The following FBXO16 variants were observed in gnomAD, a reference collection of about 807,000 sequenced individuals.
FBXO16 encodes the protein F-box protein 16.
FBXO16 carries 31 observed loss-of-function variants against 41.0 expected under a neutral mutation model. The observed-to-expected ratio is 0.76, with a 90% confidence interval of 0.57 to 1.02. The LOEUF is 1.02. Among genes scored for constraint, FBXO16 ranks in the 50% least tolerant of loss-of-function variants. The pLI is 0.00. For missense variants in FBXO16, 361 were observed against 346.2 expected (o/e 1.04, Z -0.34); for synonymous variants, 133 against 117.8 (o/e 1.13, Z -0.84).
chr8:28,449,930 C>T (rs906344513), intron 6 of FBXO16, among the ~76,000 whole-genome samples: 1 of 149,380 alleles, frequency 6.7e-6, no homozygotes, highest in Non-Finnish European at 1.5e-5. Context: ...CGAGATCATG[C>T]CACTGCACTC....
chr8:28,436,850 C>T (rs1342146305), intron 7 of FBXO16, among the ~76,000 whole-genome samples: 1 of 152,224 alleles, frequency 6.6e-6, no homozygotes. Context: ...CTCTCAGGCT[C>T]AAGCAATCCT....
chr8:28,473,746 C>T (rs373423925), intron 3 of FBXO16, 26 bp downstream of exon 3: 2 of 1,580,828 alleles, frequency 1.3e-6, no homozygotes, highest in Admixed American at 3.4e-5. Context: ...TAACATAATG[C>T]AAAAATAGTA....
At chr8:28,454,292 T>C (rs1803001157) in intron 5 of FBXO16, among the ~76,000 whole-genome samples, 1 of 151,972 alleles carries the variant, frequency 6.6e-6, no homozygotes, top group Admixed American at 6.5e-5. Context: ...ATTCATTTCA[T>C]TTCCCTGAGC....
At chr8:28,431,178 C>T (rs929983298) in intron 7 of FBXO16, among the ~76,000 whole-genome samples, 2 of 152,154 alleles carry the variant, frequency 1.3e-5, no homozygotes, top group South Asian at 4.1e-4. Flanking sequence ...GCAGGCTCCT[C>T]ACAGCCCTCC....
At chr8:28,428,792 A>G in intron 8 of FBXO16, 56 bp from the exon 9 acceptor site, 6 of 1,445,778 alleles carry the variant, frequency 4.2e-6, no homozygotes, top group Non-Finnish European at 5.5e-6. Flanking sequence ...CAAGGGAGCT[A>G]TCTAGTTAAA....
At chr8:28,463,990 T>A (rs1231392765) in intron 3 of FBXO16, among the ~76,000 whole-genome samples, 172 bp from the exon 4 acceptor site, 1 of 152,236 alleles carries the variant, frequency 6.6e-6, no homozygotes, top group Non-Finnish European at 1.5e-5. Flanking sequence ...TCTCTCACAT[T>A]TATATGGGAG....
chr8:28,474,537 T>C (rs764977723), intron 2 of FBXO16, among the ~76,000 whole-genome samples: 1 of 152,048 alleles, frequency 6.6e-6, no homozygotes, highest in Non-Finnish European at 1.5e-5. Flanking sequence ...TCAATATTAA[T>C]AGTATGAGAA....
chr8:28,434,714 C>T (rs1376061216), intron 7 of FBXO16, among the ~76,000 whole-genome samples: 3 of 152,252 alleles, frequency 2.0e-5, no homozygotes, highest in South Asian at 4.1e-4. Flanking sequence ...CTTTGCCAGA[C>T]TTGCAGCAGG....
intron 1 of FBXO16, among the ~76,000 whole-genome samples, chr8:28,489,327 G>C (rs1936628003): frequency 6.6e-6 from 1 of 151,952 alleles, no homozygotes; most frequent in African/African-American, 2.4e-5. Context: ...GGGGGACAGA[G>C]TGCGACTCCA....
At position 28,451,102 on chromosome 8, in the gene FBXO16, A is replaced by G. The variant is rs2130123367; in HGVS notation, c.740+1142T>C. 2.6e-5 allele frequency among the ~76,000 whole-genome samples: 4 copies of G among 152,220 alleles called. 1 individual carries two copies. The highest frequency in any genetic ancestry group is 5.9e-5 in the Non-Finnish European group (4 of 68,008). ...GAGAAAGAGGCACCTCCATCCCCGC[A>G]CTCACCCAGACTTCTTTCAAGTACA... is the stretch of plus-strand genomic sequence containing the variant. On this transcript the variant is annotated intron_variant, in intron 6 of 8. Coordinates refer to ENST00000380254, the MANE Select transcript of FBXO16 (RefSeq NM_172366.4).
intron 2 of FBXO16, among the ~76,000 whole-genome samples, chr8:28,479,489 G>T (rs1362697670): frequency 6.6e-6 from 1 of 152,008 alleles, no homozygotes; most frequent in East Asian, 1.9e-4. Context: ...GTAATTTTTC[G>T]AAGAAAATTT....
chr8:28,445,445 T>C (rs970286126), intron 7 of FBXO16, among the ~76,000 whole-genome samples: 10 of 152,234 alleles, frequency 6.6e-5, no homozygotes, highest in Non-Finnish European at 1.5e-4. Flanking sequence ...TTTCTCAGCA[T>C]GTATCACCAT....
chr8:28,441,644 G>A (rs1427781030), intron 7 of FBXO16, among the ~76,000 whole-genome samples: 3 of 150,842 alleles, frequency 2.0e-5, no homozygotes, highest in Admixed American at 2.0e-4. Context: ...GCTGAGGCAG[G>A]AGAATCGCTT....
chr8:28,449,348 G>T (rs1010248347), intron 6 of FBXO16, among the ~76,000 whole-genome samples: 7 of 139,210 alleles, frequency 5.0e-5, no homozygotes, highest in Non-Finnish European at 7.6e-5. Context: ...TTGAGACAGG[G>T]TCTTGCTCTG....
At chr8:28,484,837 C>T (rs998713378) in intron 1 of FBXO16, among the ~76,000 whole-genome samples, 1 of 151,120 alleles carries the variant, frequency 6.6e-6, no homozygotes, top group Non-Finnish European at 1.5e-5. Flanking sequence ...TCATGATCCA[C>T]CCCCCCTGGG....
chr8:28,474,242 C>T (rs1223440817), intron 2 of FBXO16, among the ~76,000 whole-genome samples: 1 of 133,650 alleles, frequency 7.5e-6, no homozygotes, highest in Admixed American at 8.5e-5. Context: ...CGCTTGAGCC[C>T]GGGGAGTTGA....
chr8:28,447,627 T>G (rs1417549494), intron 6 of FBXO16: 1 of 217,388 alleles, frequency 4.6e-6, no homozygotes, highest in East Asian at 1.0e-4. Flanking sequence ...CCTCTATATA[T>G]TGTGCATATG....
intron 3 of FBXO16, among the ~76,000 whole-genome samples, chr8:28,468,132 A>C (rs1019009192): frequency 4.6e-5 from 7 of 152,196 alleles, no homozygotes; most frequent in South Asian, 2.1e-4. Flanking sequence ...CCTCTCAAGC[A>C]AAAATACCCC....
intron 3 of FBXO16, chr8:28,465,510 G>A (rs370131938): frequency 2.9e-4 from 108 of 367,732 alleles, no homozygotes; most frequent in African/African-American, 2.1e-3. Flanking sequence ...AGCTACTCAG[G>A]AGGCTGAGGT....
Sources: gnomAD v4.1 joint callset for allele counts (sites outside exome capture counted in the v4.1 genomes callset) on GRCh38, gnomAD v4.1.1 for gene constraint, MANE v1.5 for transcripts, NCBI Gene and HGNC (gene_info 2026-07-23, HGNC 2026-07-21) for gene names.